Variants in BLTP1 observed in about 807,000 individuals in gnomAD.
BLTP1 encodes the protein fragile site-associated protein.
At chr4:122,216,480 T>A in the BLTP1 span, among the ~76,000 whole-genome samples, 1 of 152,124 alleles carries the variant, frequency 6.6e-6, no homozygotes, top group Non-Finnish European at 1.5e-5. Context: ...GGTGGTATCA[T>A]GTTGCGGTTT....
At chr4:122,359,442 A>AT in the BLTP1 span, 1 of 1,432,294 alleles carries the variant, frequency 7.0e-7, no homozygotes, top group African/African-American at 1.5e-5. Flanking sequence ...AAGAAATGCA[A>AT]TTAAATGAGG....
At chr4:122,187,040 C>T in the BLTP1 span, 1 of 985,032 alleles carries the variant, frequency 1.0e-6, no homozygotes, top group Non-Finnish European at 1.2e-6. Flanking sequence ...AGACAAACAT[C>T]AAAGTGACTT....
At chr4:122,215,841 C>A in the BLTP1 span, among the ~76,000 whole-genome samples, 1 of 151,760 alleles carries the variant, frequency 6.6e-6, no homozygotes, top group South Asian at 2.1e-4. Context: ...CTCACCCCCC[C>A]CATCCTTCCT....
At chr4:122,175,797 T>A in the BLTP1 span, 5 of 1,221,882 alleles carry the variant, frequency 4.1e-6, no homozygotes, top group Non-Finnish European at 6.0e-6. Flanking sequence ...AACTAAGAAA[T>A]GAGTTAAGTA....
chr4:122,154,753 T>C, the BLTP1 span: 2 of 161,662 alleles, frequency 1.2e-5, no homozygotes, highest in African/African-American at 4.8e-5. Context: ...GTGCCTGTAG[T>C]CCCAGCTACT....
At chr4:122,333,598 T>A in the BLTP1 span, 4 of 1,548,982 alleles carry the variant, frequency 2.6e-6, no homozygotes, top group Non-Finnish European at 3.5e-6. Flanking sequence ...TGTCATTTTT[T>A]AAAAAGATAA....
chr4:122,254,711 A>G, the BLTP1 span: 1 of 1,273,236 alleles, frequency 7.9e-7, no homozygotes, highest in Non-Finnish European at 1.0e-6. Flanking sequence ...ATTTTGCCTG[A>G]GTAAAACAAC....
chr4:122,169,753 C>T, the BLTP1 span: 21 of 984,416 alleles, frequency 2.1e-5, no homozygotes, highest in Non-Finnish European at 2.5e-5. Context: ...GAAGTTGGGT[C>T]ACAGTTCTAC....
the BLTP1 span, chr4:122,182,895 A>T: frequency 1.7e-5 from 17 of 985,174 alleles, no homozygotes; most frequent in Non-Finnish European, 1.9e-5. Flanking sequence ...AATACCTGTT[A>T]AAGATTTTTA....
chr4:122,258,634 T>C, the BLTP1 span: 1 of 1,530,882 alleles, frequency 6.5e-7, no homozygotes, highest in East Asian at 2.4e-5. Context: ...ACTAGAAACA[T>C]AGGGGCTGAT....
At chr4:122,316,542 G>T in the BLTP1 span, 1 of 679,678 alleles carries the variant, frequency 1.5e-6, no homozygotes, top group Non-Finnish European at 2.5e-6. Context: ...CACACTCATG[G>T]GGAAACGTAG....
chr4:122,182,939 G>A, the BLTP1 span: 1 of 979,054 alleles, frequency 1.0e-6, no homozygotes, highest in African/African-American at 1.8e-5. Context: ...AGACACTTGG[G>A]TCACTTATTC....
chr4:122,251,762 T>C, the BLTP1 span: 5 of 253,290 alleles, frequency 2.0e-5, no homozygotes, highest in Non-Finnish European at 2.5e-5. Flanking sequence ...TTATGGAATT[T>C]TTTCTTCTTC....
chr4:122,292,603 C>T, the BLTP1 span: 7 of 932,762 alleles, frequency 7.5e-6, no homozygotes, highest in East Asian at 1.2e-4. Context: ...GAAGATTTCG[C>T]TCTACTTAAG....
chr4:122,201,939 T>G, the BLTP1 span: 55 of 878,016 alleles, frequency 6.3e-5, no homozygotes, highest in East Asian at 2.4e-4. Context: ...ATGTAGGTAG[T>G]CCTCTCCTGA....
chr4:122,207,283 A>C, the BLTP1 span: 1 of 1,580,964 alleles, frequency 6.3e-7, no homozygotes, highest in Non-Finnish European at 8.6e-7. Context: ...ATTAAAAAAA[A>C]TTAGGTTAAA....
the BLTP1 span, among the ~76,000 whole-genome samples, chr4:122,220,703 C>A: frequency 6.6e-6 from 1 of 151,960 alleles, no homozygotes; most frequent in East Asian, 1.9e-4. Flanking sequence ...ATATTTTATA[C>A]CTTTTGCTAT....
chr4:122,337,502 G>A, the BLTP1 span, among the ~76,000 whole-genome samples: 8 of 152,006 alleles, frequency 5.3e-5, no homozygotes, highest in Non-Finnish European at 8.8e-5. Context: ...TATCACTTTC[G>A]CCCAGCCTAA....
chr4:122,183,631 C>A, the BLTP1 span: 1 of 446,990 alleles, frequency 2.2e-6, no homozygotes, highest in Non-Finnish European at 3.0e-6. Context: ...TGCTTTGACT[C>A]TACAAGTTAC....
Sources: gnomAD v4.1 joint callset for allele counts (sites outside exome capture counted in the v4.1 genomes callset) on GRCh38, gnomAD v4.1.1 for gene constraint, MANE v1.5 for transcripts, NCBI Gene and HGNC (gene_info 2026-07-23, HGNC 2026-07-21) for gene names.